The following NEMF variants were observed in gnomAD, a reference collection of about 807,000 sequenced individuals.
NEMF encodes the protein nuclear export mediator factor, also known as ribosome quality control complex subunit NEMF.
In NEMF, 89 loss-of-function variants were observed where a neutral mutation model predicts 162.2. That is an observed-to-expected ratio of 0.55 (90% CI 0.46 to 0.65). The LOEUF (loss-of-function observed/expected upper bound fraction) is 0.65. Among genes scored for constraint, NEMF ranks in the 30% least tolerant of loss-of-function variants. The pLI, the probability that NEMF is intolerant of heterozygous loss-of-function variation, is 0.00. For missense variants in NEMF, 1,133 were observed against 1,261.9 expected (o/e 0.90, Z 1.55); for synonymous variants, 421 against 404.5 (o/e 1.04, Z -0.49).
chr14:49,785,625 T>A, intron 29 of NEMF: 1 of 321,414 alleles, frequency 3.1e-6, no homozygotes. Context: ...TTCACGCCTA[T>A]AATCCTAGGA....
chr14:49,844,750 C>CACAA, intron 4 of NEMF: 1 of 282,732 alleles, frequency 3.5e-6, no homozygotes, highest in South Asian at 3.0e-5. Context: ...CACACACACA[C>CACAA]ACACACACAC....
In NEMF at chr14:49,840,865, C is replaced by T; in HGVS notation, c.359G>A (p.Gly120Glu). 6.2e-7 allele frequency: 1 copy of T among 1,603,482 alleles called. No individual in the cohort carries two copies. Among genetic ancestry groups the T allele is most frequent in the Non-Finnish European group, 8.5e-7 (1 of 1,176,814 alleles). ...YHLIIELYDR[G>E]NIVLTDYEYV... The stretch of plus-strand genomic sequence containing the variant: ...CTCATAATCTGTAAGAACAATGTTC[C>T]CCTGCAATAAAATAAAATACAATTT... The change falls in exon 5 of 33, where the codon GGG (glycine) becomes GAG (glutamate). Residue 120 changes from glycine to glutamate, a missense_variant and splice_region_variant. By Grantham distance (98) the Gly-to-Glu change is moderately conservative (BLOSUM62 -2). Around this residue, in one of 3 missense-constraint regions of NEMF, gnomAD observed 582 missense variants for 631.5 expected, o/e 0.92. Coordinates refer to ENST00000298310, the MANE Select transcript of NEMF (RefSeq NM_004713.6).
At chr14:49,831,461 A>T in intron 10 of NEMF, 100 bp from the exon 11 acceptor site, 2 of 754,310 alleles carry the variant, frequency 2.7e-6, no homozygotes, top group Non-Finnish European at 4.5e-6. Context: ...TTTTTGAGAC[A>T]GAGTCTCACT....
At chr14:49,834,101 GT>G (rs779025466) in intron 7 of NEMF, 1 of 552,976 alleles carries the variant, frequency 1.8e-6, no homozygotes, top group Non-Finnish European at 3.4e-6. Flanking sequence ...TTTTTGTGGG[GT>G]TTTTTGAGAT....
chr14:49,801,001 T>C (rs940291487), intron 22 of NEMF: 3 of 303,080 alleles, frequency 9.9e-6, no homozygotes, highest in South Asian at 1.4e-4. Flanking sequence ...ACAGCAAAAT[T>C]AGTTGCATAA....
At chr14:49,838,003 T>C in intron 6 of NEMF, 136 bp downstream of exon 6, 2 of 572,550 alleles carry the variant, frequency 3.5e-6, no homozygotes. Context: ...AACTTCTCTT[T>C]CTTTGACAAT....
In NEMF at chr14:49,813,662, GGTGTGTGT is replaced by G. The variant is rs57660068; in HGVS notation, c.1744+318_1744+325del. Among the ~76,000 whole-genome samples, 621 of 147,314 alleles carry G rather than the reference GGTGTGTGT, an allele frequency of 4.2e-3. 2 individuals are homozygous for G. Among genetic ancestry groups the G allele is most frequent in the South Asian group, 0.017 (81 of 4,656 alleles). On this transcript the variant is annotated intron_variant, in intron 18 of 32. Transcript: ENST00000298310. ...TTTATCATTACATCTTTTTTTATTA[GGTGTGTGT>G]GTGTGTGTGTGTGTGTGTGTGTGTG...
At chr14:49,824,336 A>T (rs1207671389) in intron 16 of NEMF, among the ~76,000 whole-genome samples, 1 of 151,986 alleles carries the variant, frequency 6.6e-6, no homozygotes, top group Non-Finnish European at 1.5e-5. Context: ...CGAGGTCAGG[A>T]GTTTGAGACC....
intron 26 of NEMF, among the ~76,000 whole-genome samples, chr14:49,793,232 T>G (rs1039679697): frequency 6.6e-6 from 1 of 152,114 alleles, no homozygotes; most frequent in Admixed American, 6.5e-5. Context: ...TAAAAAGATA[T>G]TAAGACTAGA....
chr14:49,851,585 A>C lies in NEMF; in HGVS notation c.209T>G (p.Met70Arg), dbSNP rs920680480. ...TTEFEWPKNM[M>R]PSSFAMKCRK... ...TACCTTCATGGCAAAACTAGACGGC[A>C]TCATATTCTTAGGCCACTCAAATTC... Residue 70 changes from methionine to arginine, a missense_variant, in exon 3 of 33, where the codon ATG (methionine) becomes AGG (arginine). Physicochemically the swap from Met to Arg is moderately conservative, Grantham distance 91. This residue lies in a region of NEMF where 582 missense variants were observed against 631.5 expected (regional missense o/e 0.92). Transcript: ENST00000298310. 1 of 1,613,240 alleles carries C rather than the reference A, an allele frequency of 6.2e-7. No individual in the cohort carries two copies. The highest frequency in any genetic ancestry group is 1.7e-5 in the Admixed American group (1 of 60,004).
Position 49,784,563 on chromosome 14 carries a change from G to T in NEMF, c.*73C>A. 1 of 986,024 alleles carries T rather than the reference G, an allele frequency of 1.0e-6. No individual in the cohort carries two copies. The highest frequency in any genetic ancestry group is 1.6e-6 in the Non-Finnish European group (1 of 632,702). 61.1% of individuals were successfully genotyped at this position (986,024 alleles called of 1,614,324 possible). A position where few individuals can be genotyped will look rare whatever the true frequency, so the allele number is the denominator to read the frequency against. On this transcript the variant is annotated 3_prime_UTR_variant, in exon 33 of 33. Coordinates refer to ENST00000298310, the MANE Select transcript of NEMF (RefSeq NM_004713.6). ...TTATAATGCGGAAATCCTGATACATGGTGCTTTCATCTTTGAACTTCCAAA... is the reference window on the plus strand; with the variant it reads ...TTATAATGCGGAAATCCTGATACATTGTGCTTTCATCTTTGAACTTCCAAA...
chr14:49,815,761 G>A (rs1273422569), intron 16 of NEMF, among the ~76,000 whole-genome samples: 5 of 152,020 alleles, frequency 3.3e-5, no homozygotes, highest in African/African-American at 7.3e-5. Flanking sequence ...TCAGGAGATC[G>A]AGACCATCCC....
intron 5 of NEMF, among the ~76,000 whole-genome samples, chr14:49,838,890 T>C (rs1893052263): frequency 6.6e-6 from 1 of 151,790 alleles, no homozygotes. Flanking sequence ...AGCCAGCATC[T>C]AACAACTTTT....
intron 1 of NEMF, among the ~76,000 whole-genome samples, 155 bp from the exon 2 acceptor site, chr14:49,852,030 T>C (rs1893802327): frequency 6.6e-6 from 1 of 152,138 alleles, no homozygotes. Context: ...GGAGATTCAG[T>C]TCAAAACTTA....
At chr14:49,820,398 G>A (rs542753157) in intron 16 of NEMF, 9 of 456,462 alleles carry the variant, frequency 2.0e-5, no homozygotes, top group East Asian at 1.4e-4. Context: ...GCACTTACGC[G>A]TTGTCCTCTG....
intron 28 of NEMF, among the ~76,000 whole-genome samples, chr14:49,787,755 A>G (rs899627598): frequency 2.0e-5 from 3 of 152,234 alleles, no homozygotes; most frequent in Non-Finnish European, 4.4e-5. Flanking sequence ...TTGTGAGTCT[A>G]GGATTTACAG....
intron 5 of NEMF, among the ~76,000 whole-genome samples, chr14:49,840,288 C>G (rs1316627658): frequency 6.6e-6 from 1 of 152,076 alleles, no homozygotes; most frequent in Non-Finnish European, 1.5e-5. Flanking sequence ...ATGTTGAAAC[C>G]CCATCTCTAC....
At chr14:49,796,539 T>C (rs1016445698) in intron 25 of NEMF, among the ~76,000 whole-genome samples, 1 of 152,110 alleles carries the variant, frequency 6.6e-6, no homozygotes, top group Non-Finnish European at 1.5e-5. Context: ...TTAGTAGATA[T>C]GGGGTTTCAC....
chr14:49,818,984 G>A (rs182314936), intron 16 of NEMF, among the ~76,000 whole-genome samples: 51 of 152,166 alleles, frequency 3.4e-4, no homozygotes, highest in African/African-American at 1.1e-3. Flanking sequence ...AATGTAAAAC[G>A]TTGAACAGAC....
Sources: gnomAD v4.1 joint callset for allele counts (sites outside exome capture counted in the v4.1 genomes callset) on GRCh38, gnomAD v4.1.1 for gene constraint, gnomAD v4.1.1 regional missense constraint, MANE v1.5 for transcripts, NCBI Gene and HGNC (gene_info 2026-07-23, HGNC 2026-07-21) for gene names.